The following THADA variants were observed in gnomAD, a reference collection of about 807,000 sequenced individuals.
The protein encoded by THADA is THADA armadillo repeat containing, also known as tRNA (32-2'-O)-methyltransferase regulator THADA.
A neutral mutation model predicts 219.8 loss-of-function variants in THADA; 213 were observed. That is an observed-to-expected ratio of 0.97 (90% CI 0.87 to 1.09). The LOEUF (loss-of-function observed/expected upper bound fraction) is 1.09, where lower values mean the gene tolerates loss of function less well. Ranked by LOEUF, THADA falls within the 50% of genes least tolerant of loss-of-function variation. THADA has a pLI of 0.00. For synonymous variants in THADA, 1,018 were observed against 828.9 expected (o/e 1.23, Z -3.92); for missense variants, 2,956 against 2,311.3 (o/e 1.28, Z -5.72).
At chr2:43,535,930 G>A (rs1465724867) in intron 21 of THADA, among the ~76,000 whole-genome samples, 11 of 151,782 alleles carry the variant, frequency 7.2e-5, no homozygotes, top group East Asian at 2.0e-4. Context: ...TCAGCCTCTC[G>A]AGTGGCTGGG....
At chr2:43,261,021 G>A (rs1670874416) in intron 36 of THADA, among the ~76,000 whole-genome samples, 1 of 151,272 alleles carries the variant, frequency 6.6e-6, no homozygotes, top group South Asian at 2.1e-4. Context: ...TGTTTTTTTT[G>A]GTAAATTTGG....
At chr2:43,387,675 T>C (rs555412754) in intron 29 of THADA, among the ~76,000 whole-genome samples, 44 of 152,184 alleles carry the variant, frequency 2.9e-4, no homozygotes, top group African/African-American at 1.0e-3. Flanking sequence ...CCTGCCTCCC[T>C]AGGGGACATA....
rs769176976 is a variant in THADA, at chr2:43,485,290, C to A, written c.3780G>T (p.Leu1260Phe). Residue 1260 changes from leucine to phenylalanine, a missense_variant, in exon 26 of 38, where the codon TTG becomes TTT. Coordinates refer to ENST00000405975, the MANE Select transcript of THADA (RefSeq NM_022065.5). ...RNSSTLLFSA[L>F]ITRIFGVKRA... ...TTTTAACTCCAAAAATTCTTGTGATCAAGGCACTAAAGAGAAGTGTGGATG... is the reference window on the plus strand; with the variant it reads ...TTTTAACTCCAAAAATTCTTGTGATAAAGGCACTAAAGAGAAGTGTGGATG... 1 of 1,613,048 alleles carries A rather than the reference C, an allele frequency of 6.2e-7. No individual in the cohort carries two copies. The highest frequency in any genetic ancestry group is 1.1e-5 in the South Asian group (1 of 91,044).
intron 7 of THADA, among the ~76,000 whole-genome samples, chr2:43,584,175 C>G (rs1700767306): frequency 6.6e-6 from 1 of 151,770 alleles, no homozygotes; most frequent in African/African-American, 2.4e-5. Flanking sequence ...TTACCTGGGG[C>G]TACAGGAAAA....
Position 43,339,295 on chromosome 2 carries a change from T to G in THADA, c.4343+4827A>C, listed in dbSNP as rs149860021. On this transcript the variant is annotated intron_variant, in intron 30 of 37. Coordinates refer to ENST00000405975, the MANE Select transcript of THADA (RefSeq NM_022065.5). ...CATGCATGCATTCATTCATTCATTT[T>G]CTTGAGACAGAGTCTTTCTCTGTTG... 1.3e-3 allele frequency among the ~76,000 whole-genome samples: 200 copies of G among 152,350 alleles called. 1 individual carries two copies. The highest frequency in any genetic ancestry group is 4.5e-3 in the African/African-American group (189 of 41,580).
chr2:43,500,228 T>C (rs1688774404), intron 24 of THADA, among the ~76,000 whole-genome samples: 1 of 152,166 alleles, frequency 6.6e-6, no homozygotes, highest in Non-Finnish European at 1.5e-5. Flanking sequence ...ACTAGAGTAT[T>C]GGAAGTTAGG....
At chr2:43,537,958 T>G (rs72867027) in intron 21 of THADA, among the ~76,000 whole-genome samples, 3,279 of 148,308 alleles carry the variant, frequency 0.022, 45 homozygotes, top group African/African-American at 0.048. Context: ...AAAAAAAAAC[T>G]AAACTAAAAA....
chr2:43,387,209 C>T (rs977066405), intron 29 of THADA, among the ~76,000 whole-genome samples: 1 of 152,204 alleles, frequency 6.6e-6, no homozygotes, highest in East Asian at 1.9e-4. Context: ...GTGTCATTTT[C>T]CGAAGCTTCC....
At chr2:43,357,087 T>C (rs928179698) in intron 29 of THADA, among the ~76,000 whole-genome samples, 2 of 152,214 alleles carry the variant, frequency 1.3e-5, no homozygotes, top group Admixed American at 1.3e-4. Context: ...AAATTGAAAA[T>C]ATCCCATGCC....
chr2:43,575,985 T>G (rs1699816107), intron 10 of THADA, among the ~76,000 whole-genome samples: 1 of 152,252 alleles, frequency 6.6e-6, no homozygotes, highest in Non-Finnish European at 1.5e-5. Flanking sequence ...AGGATCACTT[T>G]AGATTACCTA....
At chr2:43,437,065 A>G (rs1297061068) in intron 26 of THADA, among the ~76,000 whole-genome samples, 1 of 152,210 alleles carries the variant, frequency 6.6e-6, no homozygotes, top group Admixed American at 6.5e-5. Flanking sequence ...TTATTTTTGC[A>G]CACCCTGTGG....
chr2:43,572,970 G>A lies in THADA; in HGVS notation c.1752C>T (p.Ser584=), dbSNP rs1468413756. The A allele has an allele frequency of 1.9e-6, 3 of 1,613,528 alleles. No homozygotes were observed. The highest frequency in any genetic ancestry group is 2.5e-6 in the Non-Finnish European group (3 of 1,179,752). Residue 584 remains serine (S), a synonymous_variant, in exon 12 of 38, where the codon TCC becomes TCT. Coordinates refer to ENST00000405975, the MANE Select transcript of THADA (RefSeq NM_022065.5). The part of the protein sequence containing the change: ...AKTGQEQSFP[S]LGSCNSRGAL... ...CCCCCCTGCTATTACAAGACCCTAA[G>A]GATGGGAAAGATTGCTCTTGTCCTG...
At chr2:43,485,881 A>AT (rs1316861404) in intron 25 of THADA, among the ~76,000 whole-genome samples, 3 of 151,552 alleles carry the variant, frequency 2.0e-5, no homozygotes, top group East Asian at 3.9e-4. Context: ...AAAAAAAAGT[A>AT]TTTTTTTAGA....
intron 30 of THADA, among the ~76,000 whole-genome samples, chr2:43,341,574 G>T (rs576738959): frequency 4.2e-4 from 64 of 152,286 alleles, no homozygotes; most frequent in Admixed American, 1.4e-3. Flanking sequence ...AGAGGTAATG[G>T]ACTCAGGAAG....
At chr2:43,501,115 G>A (rs1033703347) in intron 24 of THADA, among the ~76,000 whole-genome samples, 10 of 151,644 alleles carry the variant, frequency 6.6e-5, no homozygotes, top group African/African-American at 9.7e-5. Context: ...AAACCAGCCC[G>A]GCCAACATGG....
intron 15 of THADA, among the ~76,000 whole-genome samples, chr2:43,560,832 C>A (rs1558974212): frequency 6.6e-6 from 1 of 151,794 alleles, no homozygotes; most frequent in Non-Finnish European, 1.5e-5. Flanking sequence ...GTCTGGCCAA[C>A]AAAGTAAAAC....
At chr2:43,457,223 C>T (rs943185070) in intron 26 of THADA, among the ~76,000 whole-genome samples, 3 of 148,414 alleles carry the variant, frequency 2.0e-5, no homozygotes, top group South Asian at 2.2e-4. Context: ...ATGAAAATGG[C>T]GGTATACACA....
intron 21 of THADA, chr2:43,538,597 T>C (rs997092671): frequency 2.7e-5 from 4 of 148,642 alleles, no homozygotes; most frequent in East Asian, 1.9e-4. Context: ...AAATTAAACT[T>C]AAAGAAAAAT....
chr2:43,451,758 A>G (rs1558782543), intron 26 of THADA, among the ~76,000 whole-genome samples: 1 of 152,226 alleles, frequency 6.6e-6, no homozygotes, highest in Non-Finnish European at 1.5e-5. Flanking sequence ...AGGAATGTGT[A>G]CTAAACATGC....
Sources: allele counts gnomAD v4.1 joint callset (sites outside exome capture counted in the v4.1 genomes callset), GRCh38; gene constraint gnomAD v4.1.1; transcripts MANE v1.5; gene names NCBI Gene and HGNC (gene_info 2026-07-23, HGNC 2026-07-21).